TOMM20: variants seen among roughly 807,000 people sequenced by gnomAD.
The protein encoded by TOMM20 is translocase of outer mitochondrial membrane 20, also known as mitochondrial import receptor subunit TOM20 homolog.
A neutral mutation model predicts 22.1 loss-of-function variants in TOMM20; 10 were observed. That is an observed-to-expected ratio of 0.45 (90% CI 0.28 to 0.77). TOMM20 has a LOEUF of 0.77. Among genes scored for constraint, TOMM20 ranks in the 30% least tolerant of loss-of-function variants. The probability of loss-of-function intolerance (pLI) is 0.13; values close to 1 mark genes in which losing one functional copy is unlikely to be tolerated. For synonymous variants in TOMM20, 55 were observed against 61.4 expected (o/e 0.90, Z 0.49); for missense variants, 121 against 172.2 (o/e 0.70, Z 1.66).
intron 1 of TOMM20, 132 bp from the exon 2 acceptor site, chr1:235,122,504 T>C (rs1043676761): frequency 1.6e-5 from 13 of 794,836 alleles, no homozygotes; most frequent in Admixed American, 2.6e-5. Flanking sequence ...TCCCTCCCTG[T>C]GATCTGTCAA....
rs746283942 is a variant in TOMM20, at chr1:235,113,876, A to G, written c.285T>C (p.Asn95=). 1 of 1,612,748 alleles carries G rather than the reference A, an allele frequency of 6.2e-7. No individual in the cohort carries two copies. The highest frequency in any genetic ancestry group is 8.5e-7 in the Non-Finnish European group (1 of 1,179,370). The change falls in exon 4 of 5, where the codon AAT becomes AAC. Residue 95 remains asparagine (N), a synonymous_variant. Transcript: ENST00000366607. ...GTGGCTGTCCACACACAGCAATTGC[A>G]TTTGTCAGATGGTCTACGCCCTTCT... ...EYEKGVDHLT[N]AIAVCGQPQQ...
intron 1 of TOMM20, 74 bp downstream of exon 1, chr1:235,128,521 A>C: frequency 6.2e-7 from 1 of 1,603,108 alleles, no homozygotes; most frequent in Non-Finnish European, 8.5e-7. Context: ...GGCTGGTGGG[A>C]GGCAATGACC....
At chr1:235,121,972 G>C (rs1392909410) in intron 2 of TOMM20, among the ~76,000 whole-genome samples, 1 of 152,160 alleles carries the variant, frequency 6.6e-6, no homozygotes, top group African/African-American at 2.4e-5. Context: ...CAGGAAGTTG[G>C]AGTAAAGAAA....
intron 3 of TOMM20, among the ~76,000 whole-genome samples, chr1:235,118,282 A>T (rs1013448316): frequency 2.0e-5 from 3 of 152,226 alleles, no homozygotes; most frequent in Admixed American, 6.5e-5. Context: ...ATACAACAGC[A>T]TGGAGAATAT....
In TOMM20 at chr1:235,128,614, G is replaced by C. The variant is rs750052212; in HGVS notation, c.102C>G (p.Phe34Leu). 3.1e-6 allele frequency: 5 copies of C among 1,612,934 alleles called. No individual in the cohort carries two copies. The highest frequency in any genetic ancestry group is 4.2e-6 in the Non-Finnish European group (5 of 1,179,956). The change falls in exon 1 of 5, where the codon TTC becomes TTG. Residue 34 changes from phenylalanine to leucine, a missense_variant. Coordinates refer to ENST00000366607, the MANE Select transcript of TOMM20 (RefSeq NM_014765.3). ...FDRKRRSDPN[F>L]KNRLRERRKK... The stretch of plus-strand genomic sequence containing the variant: ...ACTCACGTTCTCGAAGCCTGTTCTT[G>C]AAGTTGGGGTCACTTCGTCTTTTGC...
intron 1 of TOMM20, among the ~76,000 whole-genome samples, 158 bp downstream of exon 1, chr1:235,128,437 A>G (rs1214165514): frequency 1.3e-5 from 2 of 152,228 alleles, no homozygotes; most frequent in African/African-American, 2.4e-5. Flanking sequence ...GGGGCACTAG[A>G]GCCCCCGGAG....
intron 3 of TOMM20, among the ~76,000 whole-genome samples, chr1:235,116,557 A>G (rs112973081): frequency 0.18 from 26,781 of 149,432 alleles, 2,701 homozygotes; most frequent in Middle Eastern, 0.26. Context: ...AAATTAGCTG[A>G]GCCTGGTGGC....
chr1:235,114,982 A>G (rs1018153236), intron 3 of TOMM20, among the ~76,000 whole-genome samples: 1 of 151,012 alleles, frequency 6.6e-6, no homozygotes, highest in African/African-American at 2.4e-5. Context: ...CAATCCTCCC[A>G]CCTCAACCTC....
rs1181714988 is a variant in TOMM20, at chr1:235,111,082, GATTA to G, written c.*978_*981del. On this transcript the variant is annotated 3_prime_UTR_variant, in exon 5 of 5. Coordinates refer to ENST00000366607, the MANE Select transcript of TOMM20 (RefSeq NM_014765.3). ...CATCCCAGTTACCTTAAAAGTTTCG[GATTA>G]ATTTACAGAGTAGTGACAGAACCAT... 1.3e-5 allele frequency: 2 copies of G among 152,128 alleles called. No homozygotes were observed. Among genetic ancestry groups the G allele is most frequent in the African/African-American group, 4.8e-5 (2 of 41,404 alleles). The allele number at this position is 152,128 out of a possible 1,614,324, so 9.4% of individuals were successfully genotyped here.
intron 3 of TOMM20, among the ~76,000 whole-genome samples, chr1:235,117,633 C>A (rs956862620): frequency 1.3e-5 from 2 of 152,162 alleles, no homozygotes; most frequent in African/African-American, 2.4e-5. Context: ...TCAGGATAGT[C>A]ACTGGTGTTC....
intron 3 of TOMM20, among the ~76,000 whole-genome samples, chr1:235,116,644 G>A (rs1660832570): frequency 6.6e-6 from 1 of 152,082 alleles, no homozygotes; most frequent in African/African-American, 2.4e-5. Flanking sequence ...CCGGGAGGTG[G>A]AAGTTGCAGT....
At chr1:235,126,263 G>A (rs1572132508) in intron 1 of TOMM20, among the ~76,000 whole-genome samples, 2 of 151,760 alleles carry the variant, frequency 1.3e-5, no homozygotes, top group African/African-American at 2.4e-5. Context: ...CTCCCAAGCA[G>A]CTGGGACTAC....
chr1:235,127,014 T>G (rs1191626459), intron 1 of TOMM20, among the ~76,000 whole-genome samples: 1 of 152,208 alleles, frequency 6.6e-6, no homozygotes, highest in Non-Finnish European at 1.5e-5. Context: ...GATGGAGAAG[T>G]TATTTTGAAA....
At position 235,112,966 on chromosome 1, in the gene TOMM20, T is replaced by C. The variant is rs114801986; in HGVS notation, c.393+802A>G. 4.6e-3 allele frequency among the ~76,000 whole-genome samples: 696 copies of C among 152,346 alleles called. 3 individuals carry two copies. The highest frequency in any genetic ancestry group is 7.4e-3 in the Non-Finnish European group (502 of 68,040). ...TCCCTCAAGTCGTTGGGATCTTTAC[T>C]TTCTTTCCAGTCCTTTTCTAATTCA... On this transcript the variant is annotated intron_variant, in intron 4 of 4. Coordinates refer to ENST00000366607, the MANE Select transcript of TOMM20 (RefSeq NM_014765.3).
intron 1 of TOMM20, among the ~76,000 whole-genome samples, chr1:235,125,620 T>A (rs1340447439): frequency 6.6e-6 from 1 of 151,998 alleles, no homozygotes; most frequent in African/African-American, 2.4e-5. Context: ...GAAATAAGAC[T>A]AGAAGAACTC....
intron 3 of TOMM20, among the ~76,000 whole-genome samples, chr1:235,115,887 A>T (rs1660819724): frequency 1.3e-5 from 2 of 152,158 alleles, no homozygotes; most frequent in African/African-American, 4.8e-5. Context: ...GGATCCTTAA[A>T]TTCAGGGCTC....
intron 1 of TOMM20, among the ~76,000 whole-genome samples, chr1:235,126,124 GACACAC>G (rs145614680): frequency 0.012 from 1,735 of 148,900 alleles, 31 homozygotes; most frequent in African/African-American, 0.037. Context: ...TATATATAAA[GACACAC>G]ACACACACAC....
intron 4 of TOMM20, 152 bp downstream of exon 4, chr1:235,113,616 G>C: frequency 2.0e-6 from 2 of 1,000,704 alleles, no homozygotes; most frequent in Non-Finnish European, 2.8e-6. Context: ...TCCCACCAGA[G>C]AGGAAAATGT....
chr1:235,112,039 A>T lies in TOMM20; in HGVS notation c.*25T>A, dbSNP rs1660746395. 6.2e-7 allele frequency: 1 copy of T among 1,600,762 alleles called. No individual in the cohort carries two copies. ...AATTTTTAAAATATTTTTAACTGAGATTTTATTATGTTGACATTTGTTTCT... is the reference window on the plus strand; with the variant it reads ...AATTTTTAAAATATTTTTAACTGAGTTTTTATTATGTTGACATTTGTTTCT... On this transcript the variant is annotated 3_prime_UTR_variant, in exon 5 of 5. Transcript: ENST00000366607.
Sources: allele counts gnomAD v4.1 joint callset (sites outside exome capture counted in the v4.1 genomes callset), GRCh38; gene constraint gnomAD v4.1.1; transcripts MANE v1.5; gene names NCBI Gene and HGNC (gene_info 2026-07-23, HGNC 2026-07-21).